The following CARMIL3 variants were observed in gnomAD, a reference collection of about 807,000 sequenced individuals.
CARMIL3 encodes the protein capping protein, Arp2/3 and myosin-I linker protein 3.
CARMIL3 carries 88 observed loss-of-function variants against 180.8 expected under a neutral mutation model. The observed-to-expected ratio is 0.49, with a 90% CI of 0.41 to 0.58. The LOEUF is 0.58. Among genes scored for constraint, CARMIL3 ranks in the 20% least tolerant of loss-of-function variants. CARMIL3 has a pLI of 0.00. For missense variants in CARMIL3, 1,548 were observed against 1,787.0 expected (o/e 0.87, Z 2.41); for synonymous variants, 696 against 714.5 (o/e 0.97, Z 0.41).
chr14:24,066,662 G>A lies in CARMIL3; in HGVS notation c.3682+6G>A, dbSNP rs1292686095. 5 of 1,613,502 alleles carry A rather than the reference G, an allele frequency of 3.1e-6. No homozygotes were observed. Among genetic ancestry groups the A allele is most frequent in the Non-Finnish European group, 4.2e-6 (5 of 1,179,490 alleles). On this transcript the variant is annotated splice_donor_region_variant and intron_variant, in intron 36 of 39. Transcript: ENST00000342740. Reference sequence around the variant, plus strand: ...AGAGGCCACATGGCACATAGGTATGGAAAGCCTCTTTTCAGGCAGCAGTAC... The same window carrying A: ...AGAGGCCACATGGCACATAGGTATGAAAAGCCTCTTTTCAGGCAGCAGTAC...
At chr14:24,055,043 T>C (rs756458989) in intron 6 of CARMIL3, 23 bp from the exon 7 acceptor site, 21 of 1,611,944 alleles carry the variant, frequency 1.3e-5, no homozygotes, top group Non-Finnish European at 1.8e-5. Flanking sequence ...CCTCATGGAA[T>C]CAGCCTATCT....
chr14:24,060,148 C>T lies in CARMIL3; in HGVS notation c.1963-9C>T. On this transcript the variant is annotated splice_polypyrimidine_tract_variant and intron_variant, in intron 23 of 39. Transcript: ENST00000342740. ...CCAGGCCCTGACCCACCAACCCCAT[C>T]ATCTCCAGATCCAATGGTGCTTAGT... 6.2e-7 allele frequency: 1 copy of T among 1,614,126 alleles called. No individual in the cohort carries two copies. Among genetic ancestry groups the T allele is most frequent in the Non-Finnish European group, 8.5e-7 (1 of 1,180,026 alleles).
intron 1 of CARMIL3, among the ~76,000 whole-genome samples, chr14:24,053,210 A>C (rs924817561): frequency 6.6e-6 from 1 of 151,698 alleles, no homozygotes; most frequent in Non-Finnish European, 1.5e-5. Flanking sequence ...ATTCACACTT[A>C]CCTGTCCCCA....
chr14:24,060,910 A>G lies in CARMIL3; in HGVS notation c.2191-17A>G, dbSNP rs1441511571. The G allele has an allele frequency of 1.4e-5, 22 of 1,550,208 alleles. No individual in the cohort carries two copies. The highest frequency in any genetic ancestry group is 1.9e-5 in the Non-Finnish European group (22 of 1,146,018). On this transcript the variant is annotated splice_polypyrimidine_tract_variant and intron_variant, in intron 25 of 39. Coordinates refer to ENST00000342740, the MANE Select transcript of CARMIL3 (RefSeq NM_138360.4). ...TCCTGGTTCTGGCCTGCTAATCATA[A>G]CCCCTTCCTTCTCCAGCTGTTTCCC... is the stretch of plus-strand genomic sequence containing the variant.
intron 10 of CARMIL3, 24 bp downstream of exon 10, chr14:24,055,813 C>A (rs2035666533): frequency 6.2e-7 from 1 of 1,605,522 alleles, no homozygotes; most frequent in African/African-American, 1.3e-5. Flanking sequence ...CCTCCTTGGG[C>A]AGTAGTGCAC....
chr14:24,053,757 A>G lies in CARMIL3; in HGVS notation c.89A>G (p.His30Arg). The G allele has an allele frequency of 6.2e-7, 1 of 1,613,668 alleles. No individual in the cohort carries two copies. Among genetic ancestry groups the G allele is most frequent in the Non-Finnish European group, 8.5e-7 (1 of 1,179,786 alleles). Residue 30 changes from histidine (H) to arginine (R), a missense_variant, in exon 2 of 40, where the codon CAT (histidine) becomes CGT (arginine). Physicochemically the swap from His to Arg is conservative, Grantham distance 29 (BLOSUM62 0). Around this residue, in one of 4 missense-constraint regions of CARMIL3, gnomAD observed 578 missense variants for 666.5 expected, o/e 0.87. Coordinates refer to ENST00000342740, the MANE Select transcript of CARMIL3 (RefSeq NM_138360.4). Reference sequence around the variant, plus strand: ...CAAGGGGCCGTGCTCCAACAACATCATGTGAAGTTGGAGACAAAGCCCAAG... The same window carrying G: ...CAAGGGGCCGTGCTCCAACAACATCGTGTGAAGTTGGAGACAAAGCCCAAG... Reference protein sequence around the residue: ...LSQGAVLQQHHVKLETKPKKF... With the variant: ...LSQGAVLQQHRVKLETKPKKF...
chr14:24,068,642 G>C lies in CARMIL3; in HGVS notation c.3741G>C (p.Gly1247=), dbSNP rs771489081. The change falls in exon 37 of 40, where the codon GGG becomes GGC. Residue 1247 remains glycine, a synonymous_variant. Coordinates refer to ENST00000342740, the MANE Select transcript of CARMIL3 (RefSeq NM_138360.4). ...GTCCCAGCCCAGCCTCCCAAGATGG[G>C]GAAGAGGAGAAGGAGGGGACCCTCT... ...CQSPSPASQD[G]EEEKEGTLFP... 75 of 1,613,870 alleles carry C rather than the reference G, an allele frequency of 4.6e-5. No individual in the cohort carries two copies. Among genetic ancestry groups the C allele is most frequent in the Non-Finnish European group, 6.2e-5 (73 of 1,179,986 alleles).
At chr14:24,056,580 G>C (rs2035674116) in intron 11 of CARMIL3, 42 bp from the exon 12 acceptor site, 2 of 1,602,620 alleles carry the variant, frequency 1.2e-6, no homozygotes, top group African/African-American at 2.7e-5. Context: ...TGCACCCACT[G>C]CCCTGCCCCT....
At position 24,059,808 on chromosome 14, in the gene CARMIL3, C is replaced by A; in HGVS notation, c.1868+76C>A. 6.4e-7 allele frequency: 1 copy of A among 1,556,516 alleles called. No homozygotes were observed. Among genetic ancestry groups the A allele is most frequent in the Non-Finnish European group, 8.9e-7 (1 of 1,129,612 alleles). ...CTGGATCAGGCCTGAACTACTCTTG[C>A]CCCACCCTAGCCCCTTTGACCTATT... On this transcript the variant is annotated intron_variant, in intron 22 of 39. Coordinates refer to ENST00000342740, the MANE Select transcript of CARMIL3 (RefSeq NM_138360.4). The surrounding 1 kb of genome is among the most constrained non-coding windows in gnomAD (Gnocchi z 6.3).
intron 10 of CARMIL3, 150 bp from the exon 11 acceptor site, chr14:24,056,149 G>A: frequency 1.6e-6 from 1 of 643,096 alleles, no homozygotes. Context: ...GTGGTGACAA[G>A]CTCCCTGGCA....
At chr14:24,055,204 G>A in intron 7 of CARMIL3, 33 bp from the exon 8 acceptor site, 1 of 1,613,788 alleles carries the variant, frequency 6.2e-7, no homozygotes, top group Non-Finnish European at 8.5e-7. Context: ...AAGGAAGTGG[G>A]GAGCAGGTGT....
Position 24,066,480 on chromosome 14 carries a change from T to C in CARMIL3, c.3592+16T>C. 1 of 1,614,134 alleles carries C rather than the reference T, an allele frequency of 6.2e-7. No individual in the cohort carries two copies. Among genetic ancestry groups the C allele is most frequent in the South Asian group, 1.1e-5 (1 of 91,080 alleles). Reference sequence around the variant, plus strand: ...GACGACGCAGGTAAGAACAGTCACATTCAAAGCCCTTTTGGACCCCTCTCT... The same window carrying C: ...GACGACGCAGGTAAGAACAGTCACACTCAAAGCCCTTTTGGACCCCTCTCT... On this transcript the variant is annotated intron_variant, in intron 35 of 39. Transcript: ENST00000342740.
At chr14:24,064,911 G>A (rs376012426) in intron 32 of CARMIL3, 47 bp from the exon 33 acceptor site, 29 of 1,582,614 alleles carry the variant, frequency 1.8e-5, no homozygotes, top group Non-Finnish European at 2.4e-5. Context: ...ACCCAGGATT[G>A]AGCTTGCATC....
In CARMIL3 at chr14:24,055,602, G is replaced by A; in HGVS notation, c.665G>A (p.Cys222Tyr). The A allele has an allele frequency of 6.2e-7, 1 of 1,614,136 alleles. No individual in the cohort carries two copies. Among genetic ancestry groups the A allele is most frequent in the Non-Finnish European group, 8.5e-7 (1 of 1,180,036 alleles). Reference sequence around the variant, plus strand: ...AACCAGTGGTTCACCAAACTCTACTGCAAGGACTTGCGGCTGGTAGGAACT... The same window carrying A: ...AACCAGTGGTTCACCAAACTCTACTACAAGGACTTGCGGCTGGTAGGAACT... ...AYNQWFTKLY[C>Y]KDLRLGSEVL... Residue 222 changes from cysteine to tyrosine, a missense_variant, in exon 9 of 40, where the codon TGC (cysteine) becomes TAC (tyrosine). This residue lies in a region of CARMIL3 where 578 missense variants were observed against 666.5 expected (regional missense o/e 0.87). Transcript: ENST00000342740.
Position 24,060,032 on chromosome 14 carries a change from C to T in CARMIL3, c.1931C>T (p.Ala644Val), listed in dbSNP as rs2035716063. ...VSDISQAYRS[A>V]PERTEDVWQK... ...GACATCTCCCAAGCCTATCGCAGCG[C>T]GCCTGAGCGCACCGAGGACGTCTGG... Residue 644 changes from alanine (A) to valine (V), a missense_variant, in exon 23 of 40, where the codon GCG (alanine) becomes GTG (valine). Around this residue, in one of 4 missense-constraint regions of CARMIL3, gnomAD observed 297 missense variants for 415.9 expected, o/e 0.71. Coordinates refer to ENST00000342740, the MANE Select transcript of CARMIL3 (RefSeq NM_138360.4). 7 of 1,614,002 alleles carry T rather than the reference C, an allele frequency of 4.3e-6. No homozygotes were observed. The highest frequency in any genetic ancestry group is 1.1e-5 in the South Asian group (1 of 91,092).
Position 24,052,031 on chromosome 14 carries a change from C to G in CARMIL3, c.-123C>G. The G allele has an allele frequency of 1.1e-6, 1 of 930,754 alleles. No individual in the cohort carries two copies. 57.7% of individuals were successfully genotyped at this position (930,754 alleles called of 1,614,324 possible). On this transcript the variant is annotated 5_prime_UTR_variant, in exon 1 of 40. Coordinates refer to ENST00000342740, the MANE Select transcript of CARMIL3 (RefSeq NM_138360.4). ...CTCAAGCAGCCGCCCCTGACCGGAG[C>G]GGGCTCGGCCGCTGCTGCAGCGCTC...
In CARMIL3 at chr14:24,069,658, A is replaced by G. The variant is rs2035844622; in HGVS notation, c.*254A>G. On this transcript the variant is annotated 3_prime_UTR_variant, in exon 40 of 40. Coordinates refer to ENST00000342740, the MANE Select transcript of CARMIL3 (RefSeq NM_138360.4). ...GTGGGGGCTTATCTCCTCCCCCAGG[A>G]GGGTGGATCTCTGTCCCTCTATCCC... The G allele has an allele frequency of 1.8e-6, 1 of 568,382 alleles. No individual in the cohort carries two copies. The highest frequency in any genetic ancestry group is 3.1e-6 in the Non-Finnish European group (1 of 318,456). 35.2% of individuals were successfully genotyped at this position (568,382 alleles called of 1,614,324 possible).
chr14:24,057,670 C>A, intron 14 of CARMIL3, 133 bp from the exon 15 acceptor site: 1 of 738,464 alleles, frequency 1.4e-6, no homozygotes, highest in Non-Finnish European at 2.3e-6. Context: ...TGGGCATCTC[C>A]AGTGGAGCTC....
intron 25 of CARMIL3, 46 bp from the exon 26 acceptor site, chr14:24,060,881 C>T (rs1251119695): frequency 6.5e-7 from 1 of 1,542,634 alleles, no homozygotes; most frequent in Non-Finnish European, 8.8e-7. Flanking sequence ...AGAGACCTAG[C>T]AAGTCCTGGT....
Sources: gnomAD v4.1 joint callset for allele counts (sites outside exome capture counted in the v4.1 genomes callset) on GRCh38, gnomAD v4.1.1 for gene constraint, gnomAD v4.1.1 regional missense constraint, Gnocchi (gnomAD v3.1) non-coding constraint, MANE v1.5 for transcripts, NCBI Gene and HGNC (gene_info 2026-07-23, HGNC 2026-07-21) for gene names.